ZMAT4: variants seen among roughly 807,000 people sequenced by gnomAD.
The protein encoded by ZMAT4 is zinc finger matrin-type protein 4.
In ZMAT4, 17 loss-of-function variants were observed where a neutral mutation model predicts 28.7. That is an observed-to-expected ratio of 0.59 (90% CI 0.41 to 0.89). ZMAT4 has a LOEUF of 0.89. ZMAT4 is among the 40% of genes least tolerant of loss of function. The pLI is 0.00. For missense variants in ZMAT4, 240 were observed against 283.8 expected (o/e 0.85, Z 1.11); for synonymous variants, 117 against 109.2 (o/e 1.07, Z -0.44).
At chr8:40,753,133 C>T (rs576320001) in intron 3 of ZMAT4, among the ~76,000 whole-genome samples, 40 of 134,028 alleles carry the variant, frequency 3.0e-4, no homozygotes, top group African/African-American at 9.7e-4. Flanking sequence ...CTCCCAATTA[C>T]GAGTGAGAAC....
At chr8:40,818,027 C>A (rs753993920) in intron 2 of ZMAT4, among the ~76,000 whole-genome samples, 6 of 152,182 alleles carry the variant, frequency 3.9e-5, no homozygotes, top group Non-Finnish European at 7.3e-5. Flanking sequence ...CAAATGAGAA[C>A]TCAGGCTACA....
Position 40,531,112 on chromosome 8 carries a change from A to C in ZMAT4, c.*1111T>G, listed in dbSNP as rs1396659104. On this transcript the variant is annotated 3_prime_UTR_variant, in exon 7 of 7. Transcript: ENST00000297737. ...CAACGTCCCACTTCGTAACCAGGCT[A>C]CAAGACACCAAGTCCGGTCACCATG... is the stretch of plus-strand genomic sequence containing the variant. 6.6e-6 allele frequency: 1 copy of C among 152,602 alleles called. No homozygotes were observed. The highest frequency in any genetic ancestry group is 2.4e-5 in the African/African-American group (1 of 41,454). 9.5% of individuals were successfully genotyped at this position (152,602 alleles called of 1,614,324 possible).
intron 2 of ZMAT4, among the ~76,000 whole-genome samples, chr8:40,792,547 G>A (rs1486441303): frequency 8.9e-5 from 2 of 22,548 alleles, no homozygotes; most frequent in Non-Finnish European, 1.9e-4. Flanking sequence ...GAGGGAGGGA[G>A]GGAGGGAAGG....
At position 40,747,596 on chromosome 8, in the gene ZMAT4, G is replaced by GA. The variant is rs556207507; in HGVS notation, c.192+20044dup. On this transcript the variant is annotated intron_variant, in intron 3 of 6. Coordinates refer to ENST00000297737, the MANE Select transcript of ZMAT4 (RefSeq NM_024645.3). ...CCAGGAGTATGTCATAAAGCATACA[G>GA]AAAAAAAAACAACACATAAAAATGC... Among the ~76,000 whole-genome samples the GA allele has an allele frequency of 1.2e-3, 177 of 149,170 alleles. 1 individual carries two copies. Among genetic ancestry groups the GA allele is most frequent in the African/African-American group, 3.7e-3 (152 of 40,606 alleles).
intron 5 of ZMAT4, among the ~76,000 whole-genome samples, chr8:40,586,780 G>A (rs575597864): frequency 6.6e-6 from 1 of 152,118 alleles, no homozygotes; most frequent in African/African-American, 2.4e-5. Context: ...TATGAATATG[G>A]GAGAGAATAA....
Position 40,820,678 on chromosome 8 carries a change from T to C in ZMAT4, c.102+4897A>G, listed in dbSNP as rs1009761621. 9.0e-3 allele frequency among the ~76,000 whole-genome samples: 178 copies of C among 19,858 alleles called. 3 individuals are homozygous for C. The highest frequency in any genetic ancestry group is 0.076 in the Admixed American group (168 of 2,208). The allele number at this position is 19,858 out of a possible 152,430, so 13.0% of individuals were successfully genotyped here. On this transcript the variant is annotated intron_variant, in intron 2 of 6. Coordinates refer to ENST00000297737, the MANE Select transcript of ZMAT4 (RefSeq NM_024645.3). ...GTGTGTTTACGTGTATGTGTGTCTA[T>C]GTGTGTGTGTCTATGTATATGTTTA...
At chr8:40,865,021 C>T (rs1817627922) in intron 1 of ZMAT4, among the ~76,000 whole-genome samples, 1 of 152,126 alleles carries the variant, frequency 6.6e-6, no homozygotes, top group African/African-American at 2.4e-5. Flanking sequence ...GAATTTTACT[C>T]AATGAATTCT....
At chr8:40,714,874 T>C (rs6474269) in intron 3 of ZMAT4, among the ~76,000 whole-genome samples, 147,156 of 151,748 alleles carry the variant, frequency 0.97, 71,510 homozygotes, top group East Asian at 1. Context: ...CATGGTGAAA[T>C]CCCATCTCTA....
intron 5 of ZMAT4, among the ~76,000 whole-genome samples, chr8:40,639,269 G>T (rs961067948): frequency 2.0e-5 from 3 of 152,232 alleles, no homozygotes; most frequent in Middle Eastern, 3.4e-3. Flanking sequence ...GAAAATTGGG[G>T]ATATAAAGAC....
intron 1 of ZMAT4, among the ~76,000 whole-genome samples, chr8:40,861,088 T>C (rs1237272673): frequency 6.6e-6 from 1 of 152,230 alleles, no homozygotes; most frequent in African/African-American, 2.4e-5. Context: ...TCATTATTGG[T>C]ATTTACATAT....
intron 5 of ZMAT4, among the ~76,000 whole-genome samples, chr8:40,600,283 TC>T (rs1805254960): frequency 6.6e-6 from 1 of 152,182 alleles, no homozygotes; most frequent in South Asian, 2.1e-4. Flanking sequence ...CCATTATTCC[TC>T]CCAGGACAAA....
intron 6 of ZMAT4, among the ~76,000 whole-genome samples, chr8:40,538,001 T>C (rs1585656169): frequency 6.6e-6 from 1 of 152,150 alleles, no homozygotes; most frequent in South Asian, 2.1e-4. Flanking sequence ...ACCCTCCCCA[T>C]AACCATTAGA....
intron 1 of ZMAT4, among the ~76,000 whole-genome samples, chr8:40,826,183 A>C (rs1435474744): frequency 6.6e-6 from 1 of 152,242 alleles, no homozygotes; most frequent in Non-Finnish European, 1.5e-5. Flanking sequence ...GTAAGCACCT[A>C]ATATATCCAA....
At chr8:40,657,777 G>T (rs966062592) in intron 5 of ZMAT4, among the ~76,000 whole-genome samples, 1 of 152,114 alleles carries the variant, frequency 6.6e-6, no homozygotes, top group African/African-American at 2.4e-5. Flanking sequence ...TAGGGCTTTC[G>T]CTTAAAGTCT....
intron 3 of ZMAT4, among the ~76,000 whole-genome samples, chr8:40,741,860 C>G (rs1376597666): frequency 2.0e-5 from 3 of 151,912 alleles, no homozygotes; most frequent in Admixed American, 2.0e-4. Context: ...TAGAAAATAT[C>G]CATCAATATA....
chr8:40,589,424 G>A (rs1047072089), intron 5 of ZMAT4, among the ~76,000 whole-genome samples: 5 of 152,132 alleles, frequency 3.3e-5, no homozygotes, highest in Non-Finnish European at 7.4e-5. Flanking sequence ...CATCTGGTCT[G>A]GTATTCTCAT....
At position 40,881,445 on chromosome 8, in the gene ZMAT4, A is replaced by G. The variant is rs866907349; in HGVS notation, c.-5+16238T>C. On this transcript the variant is annotated intron_variant, in intron 1 of 6. Coordinates refer to ENST00000297737, the MANE Select transcript of ZMAT4 (RefSeq NM_024645.3). ...AAAAGAAGAAAGAGAGAAAGAAAGA[A>G]AGAAAGAAAGAAAGAAAGAAAGAAA... Among the ~76,000 whole-genome samples the G allele has an allele frequency of 1.3e-3, 145 of 111,936 alleles. 3 individuals are homozygous for G. The highest frequency in any genetic ancestry group is 5.2e-3 in the African/African-American group (134 of 25,948). The allele number at this position is 111,936 out of a possible 152,430, so 73.4% of individuals were successfully genotyped here.
chr8:40,855,639 G>A lies in ZMAT4; in HGVS notation c.-4-29959C>T, dbSNP rs184560182. 7.3e-5 allele frequency among the ~76,000 whole-genome samples: 11 copies of A among 151,030 alleles called. No homozygotes were observed. In the East Asian group the frequency reaches 2.2e-3, roughly 30 times the overall value. On this transcript the variant is annotated intron_variant, in intron 1 of 6. Transcript: ENST00000297737. Reference sequence around the variant, plus strand: ...CTACACAAGACCTACAGGTAGCTCTGTTCCACCAGCATTTGGTGTTGTCAT... The same window carrying A: ...CTACACAAGACCTACAGGTAGCTCTATTCCACCAGCATTTGGTGTTGTCAT...
At chr8:40,788,973 G>GAGGGAGGGAGGGAGGA (rs1233224523) in intron 2 of ZMAT4, among the ~76,000 whole-genome samples, 1 of 138,268 alleles carries the variant, frequency 7.2e-6, no homozygotes, top group Non-Finnish European at 1.5e-5. Flanking sequence ...GAGAGGAAGG[G>GAGGGAGGGAGGGAGGA]AGGGAGGGAG....
Sources: allele counts gnomAD v4.1 joint callset (sites outside exome capture counted in the v4.1 genomes callset), GRCh38; gene constraint gnomAD v4.1.1; transcripts MANE v1.5; gene names NCBI Gene and HGNC (gene_info 2026-07-23, HGNC 2026-07-21).